The following FOCAD variants were observed in gnomAD, a reference collection of about 807,000 sequenced individuals.
FOCAD encodes KIAA1797.
In FOCAD, 198 loss-of-function variants were observed where a neutral mutation model predicts 225.6. The observed-to-expected ratio is 0.88, with a 90% CI of 0.78 to 0.99. FOCAD has a LOEUF of 0.99. FOCAD is among the 50% of genes least tolerant of loss of function. The pLI is 0.00. For synonymous variants in FOCAD, 897 were observed against 755.0 expected, an observed-to-expected ratio of 1.19 and a Z score of -3.08; for missense variants, 2,713 against 2,123.6, an observed-to-expected ratio of 1.28 and a Z score of -5.46.
At chr9:20,934,558 G>C (rs977477240) in intron 28 of FOCAD, among the ~76,000 whole-genome samples, 1 of 151,038 alleles carries the variant, frequency 6.6e-6, no homozygotes, top group Non-Finnish European at 1.5e-5. Flanking sequence ...GGCTGTATTT[G>C]GGTTTATTTC....
chr9:20,769,089 C>G (rs1010033984), intron 7 of FOCAD, among the ~76,000 whole-genome samples: 1 of 152,124 alleles, frequency 6.6e-6, no homozygotes, highest in Non-Finnish European at 1.5e-5. Context: ...GACTTTCCTA[C>G]TGTGTGTTTG....
At chr9:20,958,563 C>G (rs535218189) in intron 35 of FOCAD, among the ~76,000 whole-genome samples, 1 of 152,114 alleles carries the variant, frequency 6.6e-6, no homozygotes, top group Non-Finnish European at 1.5e-5. Context: ...CTCCTCCTAG[C>G]TACTTGAAAC....
chr9:20,925,026 A>T (rs1197891413), intron 25 of FOCAD, among the ~76,000 whole-genome samples: 1 of 152,208 alleles, frequency 6.6e-6, no homozygotes, highest in Non-Finnish European at 1.5e-5. Flanking sequence ...ACTACCAGTA[A>T]ACAGAGAATA....
At position 20,924,007 on chromosome 9, in the gene FOCAD, G is replaced by A. The variant is rs372587513; in HGVS notation, c.2961+239G>A. 2.6e-5 allele frequency among the ~76,000 whole-genome samples: 4 copies of A among 152,092 alleles called. No homozygotes were observed. In the East Asian group the frequency reaches 5.8e-4, roughly 22 times the overall value. ...TTGAAGGTGCCAATTTTATGCCATA[G>A]GGGTTATCTTTTTGTGATTACATCA... On this transcript the variant is annotated intron_variant, in intron 25 of 43. Coordinates refer to ENST00000338382, the MANE Select transcript of FOCAD (RefSeq NM_001375567.1).
At chr9:20,961,028 A>G (rs945526437) in intron 35 of FOCAD, among the ~76,000 whole-genome samples, 7 of 151,966 alleles carry the variant, frequency 4.6e-5, no homozygotes, top group South Asian at 2.1e-4. Flanking sequence ...AGTCTTTGCT[A>G]TTGTGAATAG....
At position 20,933,019 on chromosome 9, in the gene FOCAD, T is replaced by G; in HGVS notation, c.3323T>G (p.Ile1108Arg). The G allele has an allele frequency of 1.2e-6, 2 of 1,613,052 alleles. No homozygotes were observed. Among genetic ancestry groups the G allele is most frequent in the South Asian group, 2.2e-5 (2 of 91,070 alleles). Reference sequence around the variant, plus strand: ...TCCCCTTGATCTTTAACCAGTGATATATCTGGCCAAGAGATGAACCTTCTT... The same window carrying G: ...TCCCCTTGATCTTTAACCAGTGATAGATCTGGCCAAGAGATGAACCTTCTT... ...SRLCEEKLSD[I>R]SGQEMNLLLM... Residue 1108 changes from isoleucine to arginine, a missense_variant, in exon 28 of 44, where the codon ATA (isoleucine) becomes AGA (arginine). Coordinates refer to ENST00000338382, the MANE Select transcript of FOCAD (RefSeq NM_001375567.1).
At chr9:20,948,218 T>C (rs1209229287) in intron 30 of FOCAD, 53 bp from the exon 31 acceptor site, 4 of 1,517,102 alleles carry the variant, frequency 2.6e-6, no homozygotes, top group Non-Finnish European at 3.6e-6. Flanking sequence ...ACATTCTAAA[T>C]CTGTGTCTTT....
intron 2 of FOCAD, among the ~76,000 whole-genome samples, chr9:20,675,373 T>A (rs12685818): frequency 0.17 from 26,161 of 152,166 alleles, 2,281 homozygotes; most frequent in Non-Finnish European, 0.19. Flanking sequence ...ACTTTTTGTG[T>A]CATGCTTTTA....
At chr9:20,787,937 A>G (rs1229929612) in intron 10 of FOCAD, among the ~76,000 whole-genome samples, 1 of 152,128 alleles carries the variant, frequency 6.6e-6, no homozygotes, top group African/African-American at 2.4e-5. Flanking sequence ...GTGACATTTA[A>G]TTGTCAAAGA....
chr9:20,720,606 A>G (rs1825701434), intron 4 of FOCAD, 72 bp downstream of exon 4: 1 of 1,457,830 alleles, frequency 6.9e-7, no homozygotes, highest in African/African-American at 1.4e-5. Context: ...AATCACTATT[A>G]AGAGTCAGCA....
chr9:20,937,565 T>C (rs1206812571), intron 28 of FOCAD, among the ~76,000 whole-genome samples: 3 of 151,994 alleles, frequency 2.0e-5, no homozygotes, highest in Admixed American at 2.0e-4. Context: ...TTACACCTTA[T>C]ACAAAAATTA....
At chr9:20,715,239 C>T (rs1332102915) in intron 1 of FOCAD, 83 bp from the exon 2 acceptor site, 1 of 534,052 alleles carries the variant, frequency 1.9e-6, no homozygotes, top group African/African-American at 1.9e-5. Context: ...GGATTACATT[C>T]ACATTATTTG....
chr9:20,959,416 C>G (rs556022084), intron 35 of FOCAD, among the ~76,000 whole-genome samples: 1 of 152,058 alleles, frequency 6.6e-6, no homozygotes, highest in Non-Finnish European at 1.5e-5. Context: ...TGTTTGAGTT[C>G]CTTGCATATT....
intron 1 of FOCAD, among the ~76,000 whole-genome samples, chr9:20,704,653 T>A (rs1257279256): frequency 6.6e-6 from 1 of 152,240 alleles, no homozygotes; most frequent in African/African-American, 2.4e-5. Context: ...CTTTTCAATA[T>A]TACTCTTTTC....
At chr9:20,782,496 C>T (rs1587142230) in intron 10 of FOCAD, among the ~76,000 whole-genome samples, 1 of 152,300 alleles carries the variant, frequency 6.6e-6, no homozygotes, top group African/African-American at 2.4e-5. Context: ...CTGCCTGCCT[C>T]ATTCCGCTTT....
intron 6 of FOCAD, 56 bp downstream of exon 6, chr9:20,758,247 A>G (rs377448448): frequency 3.2e-5 from 40 of 1,246,252 alleles, no homozygotes; most frequent in African/African-American, 3.2e-4. Context: ...GTATATGCTA[A>G]TTTTAGAGCT....
At chr9:20,743,042 CAG>C (rs767690132) in intron 5 of FOCAD, among the ~76,000 whole-genome samples, 5 of 152,114 alleles carry the variant, frequency 3.3e-5, no homozygotes, top group Non-Finnish European at 7.4e-5. Flanking sequence ...ATGGCAGAAA[CAG>C]AGGAGAGGTG....
At chr9:20,883,118 T>C (rs1471806957) in intron 20 of FOCAD, among the ~76,000 whole-genome samples, 1 of 152,206 alleles carries the variant, frequency 6.6e-6, no homozygotes, top group Non-Finnish European at 1.5e-5. Context: ...TCTGTGGTTC[T>C]TTCATATACT....
At chr9:20,714,634 GCCTT>G (rs749635014) in intron 1 of FOCAD, among the ~76,000 whole-genome samples, 4,896 of 118,324 alleles carry the variant, frequency 0.041, 111 homozygotes, top group Non-Finnish European at 0.045. Context: ...CTGCCTGCCT[GCCTT>G]CCTTCCTTCC....
Sources: allele counts gnomAD v4.1 joint callset (sites outside exome capture counted in the v4.1 genomes callset), GRCh38; gene constraint gnomAD v4.1.1; transcripts MANE v1.5; gene names NCBI Gene and HGNC (gene_info 2026-07-23, HGNC 2026-07-21).